Variants in NELL1 observed in about 807,000 individuals in gnomAD.
The protein encoded by NELL1 is protein kinase C-binding protein NELL1.
In NELL1, 76 loss-of-function variants were observed where a neutral mutation model predicts 107.4. The observed-to-expected ratio is 0.71, with a 90% CI of 0.59 to 0.86. The LOEUF (loss-of-function observed/expected upper bound fraction) is 0.86. Among genes scored for constraint, NELL1 ranks in the 40% least tolerant of loss-of-function variants. The probability of loss-of-function intolerance (pLI) is 0.00; values close to 1 mark genes in which losing one functional copy is unlikely to be tolerated. For synonymous variants in NELL1, 353 were observed against 341.2 expected, an observed-to-expected ratio of 1.03 and a Z score of -0.38; for missense variants, 1,024 against 1,005.5, an observed-to-expected ratio of 1.02 and a Z score of -0.25.
chr11:21,072,483 A>T (rs1854038086), intron 12 of NELL1, among the ~76,000 whole-genome samples: 1 of 152,274 alleles, frequency 6.6e-6, no homozygotes, highest in South Asian at 2.1e-4. Context: ...CATTTTAAAC[A>T]TCAATAGTTC....
rs972552996 is a variant in NELL1, at chr11:21,404,012, C to CA, written c.1645+33064_1645+33065insA. 1.2e-3 allele frequency among the ~76,000 whole-genome samples: 132 copies of CA among 112,192 alleles called. 3 individuals carry two copies. Among genetic ancestry groups the CA allele is most frequent in the Middle Eastern group, 4.2e-3 (1 of 236 alleles). The allele number at this position is 112,192 out of a possible 152,430, so 73.6% of individuals were successfully genotyped here. A position where few individuals can be genotyped will look rare whatever the true frequency, so the allele number is the denominator to read the frequency against. ...TATCTCTGTCATTCCTGAACCCCCC[C>CA]CCCCGCAATCAAAACCACTGGATAT... On this transcript the variant is annotated intron_variant, in intron 15 of 19. Coordinates refer to ENST00000357134, the MANE Select transcript of NELL1 (RefSeq NM_006157.5).
intron 13 of NELL1, among the ~76,000 whole-genome samples, chr11:21,135,809 A>T (rs972087391): frequency 6.0e-5 from 9 of 150,854 alleles, no homozygotes; most frequent in African/African-American, 2.2e-4. Context: ...ATGTATTTTC[A>T]TATGGTTATA....
At chr11:20,823,908 T>C (rs933611588) in intron 3 of NELL1, among the ~76,000 whole-genome samples, 2 of 151,194 alleles carry the variant, frequency 1.3e-5, no homozygotes, top group Non-Finnish European at 3.0e-5. Context: ...CTGAAGCAAA[T>C]ACTCAAACAA....
intron 12 of NELL1, among the ~76,000 whole-genome samples, chr11:21,087,978 T>G (rs188408309): frequency 2.0e-5 from 3 of 152,062 alleles, no homozygotes; most frequent in African/African-American, 4.8e-5. Flanking sequence ...GATTTTAAAG[T>G]TTGCCATCCC....
chr11:21,194,840 CT>C (rs1857119201), intron 13 of NELL1, among the ~76,000 whole-genome samples: 1 of 152,122 alleles, frequency 6.6e-6, no homozygotes. Flanking sequence ...GCAAAAGGTG[CT>C]TAGCACAGAC....
intron 17 of NELL1, among the ~76,000 whole-genome samples, chr11:21,570,141 A>G (rs1857064787): frequency 6.6e-6 from 1 of 151,892 alleles, no homozygotes; most frequent in East Asian, 1.9e-4. Flanking sequence ...GGGAACTGCC[A>G]TAAGGTGGAA....
chr11:20,789,293 C>T (rs916966893), intron 3 of NELL1, among the ~76,000 whole-genome samples: 8 of 152,278 alleles, frequency 5.3e-5, no homozygotes, highest in Middle Eastern at 6.8e-3. Context: ...GGGTCTGGCC[C>T]CTGCACATTC....
At chr11:21,333,086 G>A (rs1850308061) in intron 14 of NELL1, among the ~76,000 whole-genome samples, 1 of 151,890 alleles carries the variant, frequency 6.6e-6, no homozygotes, top group African/African-American at 2.4e-5. Flanking sequence ...TGGACTTAAG[G>A]TCATTCTTGG....
chr11:21,098,743 C>A (rs1854718495), intron 12 of NELL1, among the ~76,000 whole-genome samples: 2 of 152,064 alleles, frequency 1.3e-5, no homozygotes, highest in African/African-American at 4.8e-5. Context: ...GGTTTTTCCC[C>A]CAGTAAAACT....
intron 12 of NELL1, among the ~76,000 whole-genome samples, chr11:20,993,209 A>C (rs1358688961): frequency 6.6e-6 from 1 of 152,140 alleles, no homozygotes; most frequent in Non-Finnish European, 1.5e-5. Context: ...TTCTCTACTA[A>C]GTTTCATTTT....
chr11:20,938,908 G>GTCTCTCTC (rs71443766), intron 10 of NELL1, among the ~76,000 whole-genome samples: 4,328 of 144,458 alleles, frequency 0.03, 101 homozygotes, highest in African/African-American at 0.062. Flanking sequence ...TTCTCTCTCT[G>GTCTCTCTC]TCTCTCTCTC....
At chr11:20,926,938 G>A (rs567590996) in intron 7 of NELL1, 20 of 165,318 alleles carry the variant, frequency 1.2e-4, no homozygotes, top group Non-Finnish European at 2.3e-4. Flanking sequence ...TAAGTGCCTC[G>A]GAGTTCCTGA....
intron 12 of NELL1, among the ~76,000 whole-genome samples, chr11:21,006,038 G>GT (rs1462250836): frequency 7.0e-6 from 1 of 142,806 alleles, no homozygotes; most frequent in African/African-American, 2.9e-5. Context: ...TCATAGATTT[G>GT]GGGGGGGGAG....
chr11:21,511,912 A>G (rs1564932776), intron 15 of NELL1, among the ~76,000 whole-genome samples: 4 of 152,216 alleles, frequency 2.6e-5, no homozygotes, highest in Non-Finnish European at 5.9e-5. Context: ...ATACGGGACT[A>G]AAATACTGTA....
intron 15 of NELL1, among the ~76,000 whole-genome samples, chr11:21,489,380 CAAAAAAAAAAAA>C (rs1163644356): frequency 0.023 from 1,096 of 47,872 alleles, 42 homozygotes; most frequent in Admixed American, 0.033. Context: ...GAAAGTATTT[CAAAAAAAAAAAA>C]AAAAAAAAAA....
At chr11:20,925,477 G>A (rs1850475900) in intron 7 of NELL1, among the ~76,000 whole-genome samples, 2 of 147,876 alleles carry the variant, frequency 1.4e-5, no homozygotes, top group South Asian at 4.3e-4. Context: ...GTGGAGACAG[G>A]GTTTCGCCAT....
At position 21,516,740 on chromosome 11, in the gene NELL1, TACAC is replaced by T. The variant is rs113449367; in HGVS notation, c.1646-17616_1646-17613del. Among the ~76,000 whole-genome samples, 151 of 141,996 alleles carry T rather than the reference TACAC, an allele frequency of 1.1e-3. No homozygotes were observed. In the South Asian group the frequency reaches 0.014, roughly 14 times the overall value. 93.2% of individuals were successfully genotyped at this position (141,996 alleles called of 152,430 possible). On this transcript the variant is annotated intron_variant, in intron 15 of 19. Coordinates refer to ENST00000357134, the MANE Select transcript of NELL1 (RefSeq NM_006157.5). ...TCTGTCAATCACACACACACACACA[TACAC>T]ACACACACACACACACAGACACACA...
At chr11:21,094,044 T>C (rs1319413689) in intron 12 of NELL1, among the ~76,000 whole-genome samples, 1 of 152,198 alleles carries the variant, frequency 6.6e-6, no homozygotes, top group African/African-American at 2.4e-5. Flanking sequence ...ACAAGACAAG[T>C]CCTTTCACTA....
intron 16 of NELL1, among the ~76,000 whole-genome samples, chr11:21,535,138 C>T (rs1856102533): frequency 6.6e-6 from 1 of 152,152 alleles, no homozygotes; most frequent in Non-Finnish European, 1.5e-5. Context: ...TGGGTCTCTT[C>T]TTGTGGTTCT....
Sources: allele counts gnomAD v4.1 joint callset (sites outside exome capture counted in the v4.1 genomes callset), GRCh38; gene constraint gnomAD v4.1.1; transcripts MANE v1.5; gene names NCBI Gene and HGNC (gene_info 2026-07-23, HGNC 2026-07-21).